Variants in ZNF365 observed in about 807,000 individuals in gnomAD.
ZNF365 encodes the protein protein ZNF365.
A neutral mutation model predicts 35.0 loss-of-function variants in ZNF365; 22 were observed. That is an observed-to-expected ratio of 0.63 (90% CI 0.45 to 0.90). The LOEUF (loss-of-function observed/expected upper bound fraction) is 0.90, where lower values mean the gene tolerates loss of function less well. Among genes scored for constraint, ZNF365 ranks in the 40% least tolerant of loss-of-function variants. ZNF365 has a pLI of 0.00. For synonymous variants in ZNF365, 188 were observed against 196.2 expected (o/e 0.96, Z 0.35); for missense variants, 448 against 500.3 (o/e 0.90, Z 1.00).
At chr10:62,437,978 T>C (rs541647958) in intron 3 of ZNF365, among the ~76,000 whole-genome samples, 2 of 152,306 alleles carry the variant, frequency 1.3e-5, no homozygotes, top group East Asian at 3.9e-4. Context: ...ATGCATAGCA[T>C]GGGCCTGTTG....
chr10:62,421,813 G>A (rs10733777), intron 3 of ZNF365, among the ~76,000 whole-genome samples: 93,249 of 151,810 alleles, frequency 0.61, 29,323 homozygotes, highest in East Asian at 0.84. Flanking sequence ...GCTCTATGCA[G>A]AATACAGATG....
At chr10:62,437,279 T>G (rs1447104879) in intron 3 of ZNF365, among the ~76,000 whole-genome samples, 1 of 152,228 alleles carries the variant, frequency 6.6e-6, no homozygotes, top group Non-Finnish European at 1.5e-5. Context: ...GCAGTTTGGC[T>G]GAATTTAACT....
chr10:62,469,554 T>C (rs1421036983), intron 4 of ZNF365, among the ~76,000 whole-genome samples: 2 of 152,194 alleles, frequency 1.3e-5, no homozygotes, highest in Non-Finnish European at 2.9e-5. Context: ...ATAAAGTTTA[T>C]ATTTTTTATT....
Position 62,473,063 on chromosome 10 carries a change from C to G in ZNF365, c.982-6813C>G, listed in dbSNP as rs566988086. ...TATTTCGTTTCATCGGCCATACGCCCCTTGGGGAAAGGGACCATTCATTCA... is the reference window on the plus strand; with the variant it reads ...TATTTCGTTTCATCGGCCATACGCCGCTTGGGGAAAGGGACCATTCATTCA... On this transcript the variant is annotated intron_variant, in intron 4 of 4. Transcript: ENST00000395255. Among the ~76,000 whole-genome samples the G allele has an allele frequency of 5.3e-5, 8 of 152,304 alleles. No individual in the cohort carries two copies. The South Asian group carries it at 1.7e-3, about 32-fold the overall frequency.
intron 3 of ZNF365, among the ~76,000 whole-genome samples, chr10:62,443,713 G>A (rs1840539398): frequency 6.6e-6 from 1 of 152,120 alleles, no homozygotes; most frequent in Non-Finnish European, 1.5e-5. Flanking sequence ...AGGGGAAAAT[G>A]GGCTCCATAA....
At chr10:62,454,617 T>C (rs2132475917) in intron 3 of ZNF365, among the ~76,000 whole-genome samples, 1 of 152,162 alleles carries the variant, frequency 6.6e-6, no homozygotes, top group Admixed American at 6.5e-5. Context: ...GAGGTGGTAT[T>C]ACATGTGCTT....
chr10:62,383,533 T>C (rs919985188), intron 2 of ZNF365, among the ~76,000 whole-genome samples: 17 of 152,210 alleles, frequency 1.1e-4, no homozygotes, highest in Non-Finnish European at 1.9e-4. Context: ...GAAGTTAAAA[T>C]AGACATAAGA....
intron 4 of ZNF365, among the ~76,000 whole-genome samples, chr10:62,465,011 G>A (rs1005623064): frequency 3.3e-5 from 5 of 152,172 alleles, no homozygotes; most frequent in African/African-American, 4.8e-5. Flanking sequence ...CTGTGCTCCC[G>A]GGTGCAGATG....
intron 3 of ZNF365, among the ~76,000 whole-genome samples, chr10:62,420,352 T>A (rs924106838): frequency 4.6e-4 from 70 of 152,302 alleles, no homozygotes; most frequent in African/African-American, 1.7e-3. Flanking sequence ...GTGATTCAAT[T>A]TTTTTGTTAT....
intron 2 of ZNF365, among the ~76,000 whole-genome samples, chr10:62,386,314 A>G (rs1355766510): frequency 6.6e-6 from 1 of 152,234 alleles, no homozygotes; most frequent in African/African-American, 2.4e-5. Flanking sequence ...TTGAGGGCTA[A>G]TATGGAAACA....
In ZNF365 at chr10:62,376,878, A is replaced by G. The variant is rs1839344889; in HGVS notation, c.685A>G (p.Ile229Val). ...NRQVDVAVEM[I>V]AVLRQRLTES... Reference sequence around the variant, plus strand: ...ACAGGTGGACGTGGCCGTGGAAATGATAGCTGTACTGAGGCAACGCCTGAC... The same window carrying G: ...ACAGGTGGACGTGGCCGTGGAAATGGTAGCTGTACTGAGGCAACGCCTGAC... The change falls in exon 2 of 5, where the codon ATA becomes GTA. Residue 229 changes from isoleucine (I) to valine (V), a missense_variant. This residue lies in a region of ZNF365 where 362 missense variants were observed against 375.7 expected (regional missense o/e 0.96). Transcript: ENST00000395254. 6.2e-7 allele frequency: 1 copy of G among 1,614,028 alleles called. No individual in the cohort carries two copies. Among genetic ancestry groups the G allele is most frequent in the South Asian group, 1.1e-5 (1 of 91,086 alleles).
At chr10:62,421,114 A>G (rs1402072936) in intron 3 of ZNF365, among the ~76,000 whole-genome samples, 1 of 152,060 alleles carries the variant, frequency 6.6e-6, no homozygotes, top group Non-Finnish European at 1.5e-5. Flanking sequence ...CTCATTGCTT[A>G]TACTGGAAAA....
chr10:62,458,998 C>G (rs1306348068), intron 3 of ZNF365, among the ~76,000 whole-genome samples: 1 of 152,108 alleles, frequency 6.6e-6, no homozygotes, highest in Non-Finnish European at 1.5e-5. Context: ...GGGTAAATGA[C>G]CCATGAAAGA....
intron 2 of ZNF365, 152 bp downstream of exon 2, chr10:62,377,088 C>A: frequency 9.3e-7 from 1 of 1,076,756 alleles, no homozygotes; most frequent in Non-Finnish European, 1.3e-6. Context: ...AGGAACAAGG[C>A]TTTGATATCA....
rs548376187 is a variant in ZNF365 at position 62,429,444 on chromosome 10, CA to C, written c.925-30295del. Among the ~76,000 whole-genome samples, 8 of 152,288 alleles carry C rather than the reference CA, an allele frequency of 5.3e-5. No individual in the cohort carries two copies. The East Asian group carries it at 1.5e-3, about 29-fold the overall frequency. ...CCTTCAGAATTGCGAAGACTTTACA[CA>C]ATGCTTAACTCTAAGCAGAACTAGA... On this transcript the variant is annotated intron_variant, in intron 3 of 4. Coordinates refer to the ZNF365 transcript ENST00000395255.
intron 3 of ZNF365, among the ~76,000 whole-genome samples, chr10:62,429,026 C>T (rs1840295001): frequency 6.6e-6 from 1 of 152,188 alleles, no homozygotes; most frequent in African/African-American, 2.4e-5. Flanking sequence ...CTGATGGGAG[C>T]TGGCTCTAGC....
At chr10:62,383,538 A>G (rs758429300) in intron 2 of ZNF365, among the ~76,000 whole-genome samples, 1 of 152,256 alleles carries the variant, frequency 6.6e-6, no homozygotes, top group Non-Finnish European at 1.5e-5. Flanking sequence ...TAAAATAGAC[A>G]TAAGAAATGG....
At chr10:62,445,802 G>T (rs1001037822) in intron 3 of ZNF365, among the ~76,000 whole-genome samples, 4 of 152,110 alleles carry the variant, frequency 2.6e-5, no homozygotes, top group African/African-American at 9.7e-5. Flanking sequence ...TCTGATATTT[G>T]TTTTGCTCAT....
rs191180467 is a variant in ZNF365, at chr10:62,474,295, G to T, written c.982-5581G>T. ...CTCTTAGCCTAGAAAAACAGCAGTA[G>T]GTCAGCAACAGGTGTCTCCACCACA... On this transcript the variant is annotated intron_variant, in intron 4 of 4. Coordinates refer to the ZNF365 transcript ENST00000395255. 2.3e-3 allele frequency among the ~76,000 whole-genome samples: 351 copies of T among 152,290 alleles called. 3 individuals carry two copies. The highest frequency in any genetic ancestry group is 2.7e-3 in the Non-Finnish European group (187 of 68,028).
Sources: gnomAD v4.1 joint callset for allele counts (sites outside exome capture counted in the v4.1 genomes callset) on GRCh38, gnomAD v4.1.1 for gene constraint, gnomAD v4.1.1 regional missense constraint, MANE v1.5 for transcripts, NCBI Gene and HGNC (gene_info 2026-07-23, HGNC 2026-07-21) for gene names.